The following NBAS variants were observed in gnomAD, a reference collection of about 807,000 sequenced individuals.
NBAS encodes NBAS subunit of NRZ tethering complex.
In NBAS, 219 loss-of-function variants were observed where a neutral mutation model predicts 302.5. The observed-to-expected ratio is 0.72, with a 90% confidence interval of 0.65 to 0.81. The LOEUF is 0.81. Ranked by LOEUF, NBAS falls within the 30% of genes least tolerant of loss-of-function variation. NBAS has a pLI of 0.00. For missense variants in NBAS, 2,932 were observed against 2,841.6 expected (o/e 1.03, Z -0.72); for synonymous variants, 1,118 against 1,021.6 (o/e 1.09, Z -1.80).
At chr2:15,139,485 T>C in the NBAS span, among the ~76,000 whole-genome samples, 2 of 152,046 alleles carry the variant, frequency 1.3e-5, no homozygotes, top group Non-Finnish European at 2.9e-5. Flanking sequence ...CTCTATCTTC[T>C]GTGGTTTTAG....
the NBAS span, among the ~76,000 whole-genome samples, chr2:14,871,561 TA>T: frequency 1.3e-5 from 2 of 152,092 alleles, no homozygotes; most frequent in East Asian, 3.9e-4. Context: ...AAAATTCATG[TA>T]AAAGATAAAA....
chr2:15,006,207 T>G, the NBAS span, among the ~76,000 whole-genome samples: 2 of 152,164 alleles, frequency 1.3e-5, no homozygotes, highest in Non-Finnish European at 2.9e-5. Flanking sequence ...AAAATCACAG[T>G]CCTTCCAAGA....
At chr2:15,541,164 T>C (rs1162340824) in intron 6 of NBAS, among the ~76,000 whole-genome samples, 1 of 152,238 alleles carries the variant, frequency 6.6e-6, no homozygotes, top group Admixed American at 6.5e-5. Flanking sequence ...AAATATTCTG[T>C]ACATACCTCT....
intron 29 of NBAS, among the ~76,000 whole-genome samples, chr2:15,382,208 C>T (rs568180527): frequency 3.3e-5 from 5 of 152,250 alleles, no homozygotes; most frequent in Admixed American, 1.3e-4. Context: ...TGGACACACG[C>T]GTGCACGCAC....
At chr2:15,522,569 T>A (rs1219693884) in intron 9 of NBAS, among the ~76,000 whole-genome samples, 1 of 152,192 alleles carries the variant, frequency 6.6e-6, no homozygotes, top group East Asian at 1.9e-4. Context: ...TACATATGCA[T>A]TCAAGTGGTT....
At chr2:15,168,272 C>T (rs1664127107) in intron 51 of NBAS, among the ~76,000 whole-genome samples, 1 of 152,166 alleles carries the variant, frequency 6.6e-6, no homozygotes, top group Admixed American at 6.5e-5. Flanking sequence ...TTTAGACCAA[C>T]TATATTATGC....
the NBAS span, among the ~76,000 whole-genome samples, chr2:14,785,843 G>A: frequency 2.0e-5 from 3 of 152,210 alleles, no homozygotes; most frequent in Admixed American, 6.5e-5. Context: ...CATAAAATGA[G>A]TTAGGGAGGA....
At chr2:15,301,809 C>A (rs1670809399) in intron 40 of NBAS, among the ~76,000 whole-genome samples, 2 of 152,258 alleles carry the variant, frequency 1.3e-5, no homozygotes, top group Middle Eastern at 3.4e-3. Flanking sequence ...AACCAAGTAG[C>A]TAAGCAAAGA....
chr2:15,220,031 C>A (rs1256515989), intron 47 of NBAS, among the ~76,000 whole-genome samples: 3 of 141,044 alleles, frequency 2.1e-5, no homozygotes, highest in Non-Finnish European at 1.5e-5. Context: ...AGGCGGGGGG[C>A]TGATCCCCCC....
At chr2:15,258,131 A>G (rs1254240971) in intron 44 of NBAS, among the ~76,000 whole-genome samples, 1 of 152,194 alleles carries the variant, frequency 6.6e-6, no homozygotes, top group African/African-American at 2.4e-5. Context: ...TGAAGATTTC[A>G]TGGACATTTA....
chr2:15,481,088 T>A (rs1572910602), intron 12 of NBAS, among the ~76,000 whole-genome samples: 1 of 152,214 alleles, frequency 6.6e-6, no homozygotes, highest in East Asian at 1.9e-4. Flanking sequence ...TGTGACCTTT[T>A]GTGTCTAGCA....
At chr2:14,948,403 G>T in the NBAS span, among the ~76,000 whole-genome samples, 1 of 152,000 alleles carries the variant, frequency 6.6e-6, no homozygotes, top group South Asian at 2.1e-4. Context: ...CAGTAAAGTT[G>T]CAAGATACAA....
At chr2:14,779,769 G>T in the NBAS span, among the ~76,000 whole-genome samples, 1 of 152,322 alleles carries the variant, frequency 6.6e-6, no homozygotes, top group Non-Finnish European at 1.5e-5. Flanking sequence ...GCTGTGACCT[G>T]AGGAAAGCAG....
At chr2:15,430,197 G>A (rs1677692194) in intron 21 of NBAS, among the ~76,000 whole-genome samples, 1 of 152,052 alleles carries the variant, frequency 6.6e-6, no homozygotes, top group Non-Finnish European at 1.5e-5. Context: ...ATACTTATTT[G>A]GTATGTAGAG....
chr2:14,976,189 A>C, the NBAS span, among the ~76,000 whole-genome samples: 5 of 152,198 alleles, frequency 3.3e-5, no homozygotes, highest in African/African-American at 9.7e-5. Context: ...TTCTACCTGG[A>C]GGCACTTTCC....
the NBAS span, among the ~76,000 whole-genome samples, chr2:14,975,726 G>A: frequency 4.6e-5 from 7 of 151,870 alleles, no homozygotes; most frequent in Non-Finnish European, 8.8e-5. Context: ...TTGATAATTT[G>A]TACTACAAGA....
At chr2:15,048,171 A>T in the NBAS span, among the ~76,000 whole-genome samples, 1 of 152,240 alleles carries the variant, frequency 6.6e-6, no homozygotes, top group Non-Finnish European at 1.5e-5. Flanking sequence ...AGAGGCAGGG[A>T]GAGGAATGAG....
chr2:15,238,329 AC>A, intron 45 of NBAS, 138 bp downstream of exon 45: 1 of 806,820 alleles, frequency 1.2e-6, no homozygotes, highest in Non-Finnish European at 2.0e-6. Context: ...GAAGAGGTTA[AC>A]CAATAAAGGC....
At chr2:15,062,903 G>A in the NBAS span, among the ~76,000 whole-genome samples, 1 of 152,190 alleles carries the variant, frequency 6.6e-6, no homozygotes, top group Non-Finnish European at 1.5e-5. Context: ...AGGCAAGGAG[G>A]AGAGATTCAG....
Sources: allele counts gnomAD v4.1 joint callset (sites outside exome capture counted in the v4.1 genomes callset), GRCh38; gene constraint gnomAD v4.1.1; transcripts MANE v1.5; gene names NCBI Gene and HGNC (gene_info 2026-07-23, HGNC 2026-07-21).